PIGU: variants seen among roughly 807,000 people sequenced by gnomAD.
The protein encoded by PIGU is GPI-anchor transamidase component PIGU.
Under a neutral mutation model 49.9 loss-of-function variants are expected in PIGU, and 24 were observed. The ratio of observed to expected loss-of-function variants is 0.48; its 90% CI spans 0.35 to 0.68. PIGU has a LOEUF of 0.68. Among genes scored for constraint, PIGU ranks in the 30% least tolerant of loss-of-function variants. PIGU has a pLI of 0.01. For synonymous variants in PIGU, 220 were observed against 205.7 expected (o/e 1.07, Z -0.59); for missense variants, 490 against 532.6 (o/e 0.92, Z 0.79).
chr20:34,640,628 T>C (rs760827681), intron 4 of PIGU, among the ~76,000 whole-genome samples: 11 of 151,984 alleles, frequency 7.2e-5, no homozygotes, highest in African/African-American at 1.2e-4. Flanking sequence ...GTCTTGACAA[T>C]GATAAGATTT....
At chr20:34,584,504 C>CTTT (rs5841174) in intron 9 of PIGU, among the ~76,000 whole-genome samples, 42 of 66,396 alleles carry the variant, frequency 6.3e-4, no homozygotes, top group South Asian at 1.4e-3. Context: ...AACTCCTGTT[C>CTTT]TTTTTTTTTT....
intron 7 of PIGU, among the ~76,000 whole-genome samples, chr20:34,615,168 T>C (rs1264971876): frequency 6.6e-6 from 1 of 152,252 alleles, no homozygotes; most frequent in Non-Finnish European, 1.5e-5. Context: ...ATTTGGCTAA[T>C]AATATGACCT....
chr20:34,629,537 G>A (rs1041648766), intron 6 of PIGU, among the ~76,000 whole-genome samples: 2 of 152,160 alleles, frequency 1.3e-5, no homozygotes, highest in African/African-American at 4.8e-5. Context: ...ACGTGAAAAT[G>A]AAGCCCATGT....
chr20:34,625,207 AC>A (rs1357394628), intron 6 of PIGU, among the ~76,000 whole-genome samples: 2 of 152,040 alleles, frequency 1.3e-5, no homozygotes, highest in African/African-American at 4.8e-5. Context: ...CCCCGTCTCT[AC>A]TAAAAATGCA....
At chr20:34,602,017 C>T (rs1019789164) in intron 7 of PIGU, among the ~76,000 whole-genome samples, 1 of 152,210 alleles carries the variant, frequency 6.6e-6, no homozygotes, top group Non-Finnish European at 1.5e-5. Flanking sequence ...TATGGTGGCT[C>T]ACACCTGTAA....
intron 1 of PIGU, among the ~76,000 whole-genome samples, chr20:34,670,395 GC>G (rs1987273999): frequency 6.6e-6 from 1 of 151,762 alleles, no homozygotes; most frequent in Non-Finnish European, 1.5e-5. Flanking sequence ...TCACCATGTT[GC>G]CTAGGCCGGT....
At chr20:34,616,225 C>A in intron 6 of PIGU, 86 bp from the exon 7 acceptor site, 7 of 1,423,144 alleles carry the variant, frequency 4.9e-6, no homozygotes, top group Non-Finnish European at 6.6e-6. Context: ...CAAAACTTTC[C>A]ATAACTGCTC....
chr20:34,606,254 C>CAAAA (rs35050660), intron 7 of PIGU, among the ~76,000 whole-genome samples: 2 of 83,882 alleles, frequency 2.4e-5, no homozygotes, highest in Admixed American at 1.2e-4. Context: ...GACTCCGTCT[C>CAAAA]AAAAAAAAAA....
intron 6 of PIGU, among the ~76,000 whole-genome samples, chr20:34,627,480 C>A (rs1267172209): frequency 6.6e-6 from 1 of 151,100 alleles, no homozygotes; most frequent in African/African-American, 2.4e-5. Context: ...AAAAAAAAAA[C>A]CATGGCTGTG....
intron 1 of PIGU, among the ~76,000 whole-genome samples, chr20:34,664,457 G>A (rs997073830): frequency 4.6e-5 from 7 of 152,184 alleles, no homozygotes; most frequent in Non-Finnish European, 1.0e-4. Context: ...CCAGCACTTT[G>A]GGAGGCCCAG....
chr20:34,626,430 G>A (rs1169499833), intron 6 of PIGU, among the ~76,000 whole-genome samples: 2 of 151,784 alleles, frequency 1.3e-5, no homozygotes, highest in Non-Finnish European at 1.5e-5. Context: ...AGCCTCCCGA[G>A]TAGTTGGGAT....
In PIGU at chr20:34,657,194, C is replaced by T. The variant is rs762336639; in HGVS notation, c.181G>A (p.Ala61Thr). 6.2e-7 allele frequency: 1 copy of T among 1,611,464 alleles called. No homozygotes were observed. Residue 61 changes from alanine to threonine, a missense_variant, in exon 2 of 12, where the codon GCA (alanine) becomes ACA (threonine). Coordinates refer to ENST00000217446, the MANE Select transcript of PIGU (RefSeq NM_080476.5). ...AGAACACTTACTTCATGAAATACTG[C>T]TCCAGAATACGGAGATACTCCCAAG... ...LDLGVSPYSGAVFHETPLIIY... is the reference protein window; with the variant it reads ...LDLGVSPYSGTVFHETPLIIY...
rs188192048 is a variant in PIGU at position 34,594,796 on chromosome 20, G to T, written c.628-6189C>A. 1.2e-3 allele frequency among the ~76,000 whole-genome samples: 181 copies of T among 151,870 alleles called. 1 individual carries two copies. The highest frequency in any genetic ancestry group is 4.2e-3 in the African/African-American group (174 of 41,394). On this transcript the variant is annotated intron_variant, in intron 7 of 11. Coordinates refer to ENST00000217446, the MANE Select transcript of PIGU (RefSeq NM_080476.5). ...TCGCTAAATAAATAAAGGCATACAAGAAAATATACATATAGGCTGGGCGCA... is the reference window on the plus strand; with the variant it reads ...TCGCTAAATAAATAAAGGCATACAATAAAATATACATATAGGCTGGGCGCA...
intron 1 of PIGU, 46 bp downstream of exon 1, chr20:34,676,910 G>T (rs1302317189): frequency 3.2e-6 from 5 of 1,553,884 alleles, no homozygotes; most frequent in Non-Finnish European, 4.4e-6. Context: ...AGAGGCCGCG[G>T]GAGGGCAGGT....
chr20:34,657,400 C>T (rs184800207), intron 1 of PIGU, among the ~76,000 whole-genome samples, 156 bp from the exon 2 acceptor site: 11 of 152,296 alleles, frequency 7.2e-5, no homozygotes, highest in South Asian at 2.1e-4. Context: ...TTTCTGATGA[C>T]GGGAAACTCT....
chr20:34,670,338 T>C (rs367776853), intron 1 of PIGU, among the ~76,000 whole-genome samples: 1,988 of 150,838 alleles, frequency 0.013, 52 homozygotes, highest in African/African-American at 0.045. Flanking sequence ...TACAGGCTCC[T>C]GCCACCACAC....
At chr20:34,582,363 C>A (rs1983514087) in intron 9 of PIGU, among the ~76,000 whole-genome samples, 1 of 152,136 alleles carries the variant, frequency 6.6e-6, no homozygotes. Context: ...TGATCCTCAC[C>A]ACATCTCAAC....
At chr20:34,664,561 G>T (rs775722410) in intron 1 of PIGU, among the ~76,000 whole-genome samples, 12 of 151,946 alleles carry the variant, frequency 7.9e-5, no homozygotes, top group Non-Finnish European at 1.5e-4. Context: ...TAGCCTATTT[G>T]GGAGGCTAAG....
chr20:34,598,609 T>G (rs1372123545), intron 7 of PIGU, among the ~76,000 whole-genome samples: 1 of 152,204 alleles, frequency 6.6e-6, no homozygotes, highest in Non-Finnish European at 1.5e-5. Context: ...TTCTAGAAGC[T>G]CCATGCTGTC....
Sources: gnomAD v4.1 joint callset for allele counts (sites outside exome capture counted in the v4.1 genomes callset) on GRCh38, gnomAD v4.1.1 for gene constraint, MANE v1.5 for transcripts, NCBI Gene and HGNC (gene_info 2026-07-23, HGNC 2026-07-21) for gene names.